MGAT4C: variants seen among roughly 807,000 people sequenced by gnomAD.
MGAT4C encodes MGAT4 family member C.
MGAT4C carries 19 observed loss-of-function variants against 40.1 expected under a neutral mutation model. That is an observed-to-expected ratio of 0.47 (90% CI 0.33 to 0.70). The LOEUF is 0.70. Among genes scored for constraint, MGAT4C ranks in the 30% least tolerant of loss-of-function variants. The pLI, the probability that MGAT4C is intolerant of heterozygous loss-of-function variation, is 0.02. For missense variants in MGAT4C, 491 were observed against 563.2 expected (o/e 0.87, Z 1.30); for synonymous variants, 181 against 187.1 (o/e 0.97, Z 0.27).
At chr12:86,756,689 G>T (rs996940472) in intron 1 of MGAT4C, among the ~76,000 whole-genome samples, 5 of 152,072 alleles carry the variant, frequency 3.3e-5, no homozygotes, top group African/African-American at 9.7e-5. Context: ...TTCTTTCTAA[G>T]TTGTTGCACT....
intron 1 of MGAT4C, among the ~76,000 whole-genome samples, chr12:86,198,779 C>A (rs931035989): frequency 6.6e-6 from 1 of 152,040 alleles, no homozygotes; most frequent in Admixed American, 6.6e-5. Context: ...AATGCCAATA[C>A]ATCTTCATTT....
intron 2 of MGAT4C, among the ~76,000 whole-genome samples, chr12:86,690,962 A>G (rs1177654985): frequency 6.6e-6 from 1 of 152,154 alleles, no homozygotes; most frequent in Non-Finnish European, 1.5e-5. Flanking sequence ...ATTATATCTC[A>G]AATTTGATAT....
At chr12:86,763,454 T>C (rs2136155204) in intron 1 of MGAT4C, among the ~76,000 whole-genome samples, 1 of 152,336 alleles carries the variant, frequency 6.6e-6, no homozygotes, top group Non-Finnish European at 1.5e-5. Flanking sequence ...TGTGTTTCAC[T>C]GGATTTTAAT....
rs771613636 is a variant in MGAT4C at position 86,032,419 on chromosome 12, G to A, written c.-7+17255C>T. On this transcript the variant is annotated intron_variant, in intron 2 of 4. Coordinates refer to ENST00000611864, the MANE Select transcript of MGAT4C (RefSeq NM_001351288.2). ...TTCCCTTTTCTCTGCAACCTTGCCA[G>A]CATCTGTCATTTTTTGACTTTTTAA... Among the ~76,000 whole-genome samples the A allele has an allele frequency of 3.0e-5, 4 of 134,720 alleles. 1 individual carries two copies. The highest frequency in any genetic ancestry group is 7.0e-5 in the Non-Finnish European group (4 of 57,062). 88.4% of individuals were successfully genotyped at this position (134,720 alleles called of 152,430 possible).
intron 2 of MGAT4C, among the ~76,000 whole-genome samples, chr12:86,611,744 G>A (rs1372438772): frequency 6.6e-6 from 1 of 151,890 alleles, no homozygotes; most frequent in Non-Finnish European, 1.5e-5. Flanking sequence ...TTTATTTATT[G>A]TTATACTTTA....
At chr12:86,691,092 C>T (rs1240974030) in intron 2 of MGAT4C, among the ~76,000 whole-genome samples, 1 of 152,188 alleles carries the variant, frequency 6.6e-6, no homozygotes, top group Non-Finnish European at 1.5e-5. Flanking sequence ...TTGAGGCTTC[C>T]TTGATATTTC....
At chr12:86,002,164 A>C (rs1887384631) in intron 2 of MGAT4C, 1 of 151,982 alleles carries the variant, frequency 6.6e-6, no homozygotes, top group South Asian at 2.1e-4. Context: ...TAGGTCTCCT[A>C]TTTCCATCAT....
At chr12:86,513,193 A>G (rs551340805) in intron 2 of MGAT4C, among the ~76,000 whole-genome samples, 118 of 152,290 alleles carry the variant, frequency 7.7e-4, no homozygotes, top group African/African-American at 2.6e-3. Context: ...AGCAACTATT[A>G]TACTTAAAAA....
At chr12:86,494,171 T>C (rs1958192711) in intron 2 of MGAT4C, among the ~76,000 whole-genome samples, 1 of 152,046 alleles carries the variant, frequency 6.6e-6, no homozygotes, top group Non-Finnish European at 1.5e-5. Context: ...ATATATTCTT[T>C]CAGAAAGCTT....
intron 1 of MGAT4C, among the ~76,000 whole-genome samples, chr12:86,788,614 A>C (rs911949734): frequency 2.6e-5 from 4 of 152,192 alleles, no homozygotes; most frequent in African/African-American, 9.6e-5. Context: ...CTTAAAACTA[A>C]AGTACTTTAT....
chr12:86,740,461 A>G (rs1951051065), intron 1 of MGAT4C, among the ~76,000 whole-genome samples: 1 of 151,290 alleles, frequency 6.6e-6, no homozygotes, highest in Non-Finnish European at 1.5e-5. Flanking sequence ...TTTATTAACC[A>G]AAAAGATAAT....
intron 1 of MGAT4C, among the ~76,000 whole-genome samples, chr12:86,158,422 G>A (rs550196897): frequency 1.3e-5 from 2 of 152,092 alleles, no homozygotes; most frequent in East Asian, 3.9e-4. Context: ...CTCTAAACTA[G>A]GCATAAAATA....
chr12:86,003,747 T>TGAA (rs147837764), intron 2 of MGAT4C, among the ~76,000 whole-genome samples: 3,803 of 151,158 alleles, frequency 0.025, 54 homozygotes, highest in African/African-American at 0.034. Flanking sequence ...TGAAGTTTTG[T>TGAA]GAAGAAGAAG....
At chr12:86,828,862 G>A (rs1952860859) in intron 1 of MGAT4C, among the ~76,000 whole-genome samples, 1 of 151,438 alleles carries the variant, frequency 6.6e-6, no homozygotes, top group African/African-American at 2.4e-5. Context: ...CAAATGAGAG[G>A]ACTATAAGTG....
chr12:86,504,772 C>T (rs138932922), intron 2 of MGAT4C, among the ~76,000 whole-genome samples: 67 of 152,068 alleles, frequency 4.4e-4, no homozygotes, highest in African/African-American at 9.9e-4. Flanking sequence ...CTGCAACCTC[C>T]GCCTCCCGGG....
intron 2 of MGAT4C, among the ~76,000 whole-genome samples, chr12:86,690,532 C>G (rs1193678214): frequency 6.6e-6 from 1 of 152,162 alleles, no homozygotes; most frequent in Non-Finnish European, 1.5e-5. Flanking sequence ...TCCTTCAAGG[C>G]ACAGTCCCTC....
At chr12:86,486,581 G>A (rs1409640224) in intron 2 of MGAT4C, among the ~76,000 whole-genome samples, 5 of 152,234 alleles carry the variant, frequency 3.3e-5, no homozygotes, top group African/African-American at 1.2e-4. Flanking sequence ...CATAAAATCA[G>A]TTCTTCTTGA....
chr12:86,151,630 G>A (rs1884300727), intron 1 of MGAT4C, among the ~76,000 whole-genome samples: 1 of 152,066 alleles, frequency 6.6e-6, no homozygotes, highest in African/African-American at 2.4e-5. Flanking sequence ...TATGTGTAAA[G>A]ATTAGAGAAT....
At chr12:86,033,424 T>C (rs1359669815) in intron 2 of MGAT4C, among the ~76,000 whole-genome samples, 2 of 149,762 alleles carry the variant, frequency 1.3e-5, no homozygotes, top group Admixed American at 6.7e-5. Flanking sequence ...TATATTGTCT[T>C]TGATTTCTTA....
Sources: allele counts gnomAD v4.1 joint callset (sites outside exome capture counted in the v4.1 genomes callset), GRCh38; gene constraint gnomAD v4.1.1; transcripts MANE v1.5; gene names NCBI Gene and HGNC (gene_info 2026-07-23, HGNC 2026-07-21).